Variants in WWOX observed in about 807,000 individuals in gnomAD.
WWOX encodes WW domain-containing oxidoreductase.
WWOX carries 69 observed loss-of-function variants against 46.2 expected under a neutral mutation model. That is an observed-to-expected ratio of 1.49 (90% CI 1.23 to 1.82). WWOX has a LOEUF of 1.82. Ranked by LOEUF, WWOX falls within the 40% of genes most tolerant of loss-of-function variation. The pLI, the probability that WWOX is intolerant of heterozygous loss-of-function variation, is 0.00. For synonymous variants in WWOX, 359 were observed against 202.6 expected (o/e 1.77, Z -6.56); for missense variants, 919 against 542.6 (o/e 1.69, Z -6.89).
intron 8 of WWOX, among the ~76,000 whole-genome samples, chr16:79,038,674 C>G (rs144668289): frequency 0.011 from 1,734 of 152,148 alleles, 36 homozygotes; most frequent in African/African-American, 0.039. Flanking sequence ...CTCAGGCTCC[C>G]AAGTAGCTGG....
chr16:78,306,418 C>G (rs2080135726), intron 5 of WWOX, among the ~76,000 whole-genome samples: 1 of 152,090 alleles, frequency 6.6e-6, no homozygotes. Context: ...TTTCAGAACC[C>G]TGCATCATGG....
chr16:78,825,891 A>C (rs553991065), intron 8 of WWOX: 47 of 690,056 alleles, frequency 6.8e-5, no homozygotes, highest in Admixed American at 5.0e-4. Flanking sequence ...CCTCTGCCTG[A>C]CCACGTGAGC....
intron 8 of WWOX, among the ~76,000 whole-genome samples, chr16:78,598,916 A>G (rs1464741043): frequency 6.6e-6 from 1 of 152,176 alleles, no homozygotes; most frequent in Non-Finnish European, 1.5e-5. Context: ...GCTCACTCAG[A>G]TTCCCGCCTC....
At chr16:78,563,017 T>C (rs2151560949) in intron 8 of WWOX, among the ~76,000 whole-genome samples, 1 of 152,164 alleles carries the variant, frequency 6.6e-6, no homozygotes, top group Non-Finnish European at 1.5e-5. Context: ...CCCCTATCTT[T>C]CTTTCTTTGC....
chr16:78,409,808 C>T (rs1487845402), intron 6 of WWOX, among the ~76,000 whole-genome samples: 2 of 152,142 alleles, frequency 1.3e-5, no homozygotes, highest in Non-Finnish European at 2.9e-5. Flanking sequence ...TCTTCAAAAC[C>T]AGCACTGTTG....
chr16:79,192,498 A>C (rs1480208338), intron 8 of WWOX, among the ~76,000 whole-genome samples: 3 of 152,182 alleles, frequency 2.0e-5, no homozygotes, highest in Non-Finnish European at 4.4e-5. Flanking sequence ...TAGTGCAAGA[A>C]ATAATTTAAC....
intron 5 of WWOX, among the ~76,000 whole-genome samples, chr16:78,216,644 G>A (rs2036731231): frequency 6.6e-6 from 1 of 151,718 alleles, no homozygotes; most frequent in South Asian, 2.1e-4. Flanking sequence ...ATTTTACCAG[G>A]ACTCTTCTCC....
chr16:78,655,988 A>G (rs968574510), intron 8 of WWOX, among the ~76,000 whole-genome samples: 4 of 152,138 alleles, frequency 2.6e-5, no homozygotes, highest in African/African-American at 7.2e-5. Context: ...AGGGGGAAAA[A>G]AAGAGAAACA....
At chr16:78,614,518 G>A (rs891989740) in intron 8 of WWOX, among the ~76,000 whole-genome samples, 3 of 152,198 alleles carry the variant, frequency 2.0e-5, no homozygotes, top group African/African-American at 7.2e-5. Flanking sequence ...GTCCTGCTGG[G>A]CTCACTTCTG....
At chr16:78,904,482 C>G (rs980283429) in intron 8 of WWOX, among the ~76,000 whole-genome samples, 1 of 151,946 alleles carries the variant, frequency 6.6e-6, no homozygotes, top group African/African-American at 2.4e-5. Flanking sequence ...TGTGATCTGC[C>G]TGCCCCAGCC....
intron 8 of WWOX, among the ~76,000 whole-genome samples, chr16:78,612,002 A>G (rs1165490015): frequency 1.3e-5 from 2 of 152,350 alleles, no homozygotes; most frequent in Admixed American, 6.5e-5. Flanking sequence ...AGAAGATTCA[A>G]TAGGCATTGG....
intron 7 of WWOX, among the ~76,000 whole-genome samples, chr16:78,431,691 CT>C (rs200599534): frequency 1.0e-4 from 15 of 143,598 alleles, no homozygotes; most frequent in African/African-American, 1.8e-4. Flanking sequence ...GTAGCCAATC[CT>C]TTTTTTTTTT....
chr16:78,990,066 C>G (rs1331489403), intron 8 of WWOX, among the ~76,000 whole-genome samples: 2 of 151,672 alleles, frequency 1.3e-5, no homozygotes, highest in Non-Finnish European at 2.9e-5. Context: ...CGCTTGTAGT[C>G]TCAGCTACTC....
At chr16:78,928,104 C>T (rs1467520718) in intron 8 of WWOX, among the ~76,000 whole-genome samples, 4 of 151,898 alleles carry the variant, frequency 2.6e-5, no homozygotes, top group Non-Finnish European at 4.4e-5. Context: ...GCCTTTTGTC[C>T]GTATGTATTT....
At chr16:78,704,140 T>G (rs187655992) in intron 8 of WWOX, among the ~76,000 whole-genome samples, 42 of 152,150 alleles carry the variant, frequency 2.8e-4, no homozygotes, top group Non-Finnish European at 4.9e-4. Flanking sequence ...TGTGATTTTT[T>G]TTTTTTTTAA....
chr16:78,272,934 C>T (rs543023794), intron 5 of WWOX, among the ~76,000 whole-genome samples: 1 of 152,262 alleles, frequency 6.6e-6, no homozygotes, highest in Admixed American at 6.5e-5. Context: ...TTTAGGAGTG[C>T]TTGTCATTAG....
chr16:79,140,291 G>C (rs763345576), intron 8 of WWOX, among the ~76,000 whole-genome samples: 1 of 152,180 alleles, frequency 6.6e-6, no homozygotes, highest in Non-Finnish European at 1.5e-5. Context: ...TGGTGTGGCC[G>C]ATTTCTTGGA....
At chr16:78,928,354 T>C (rs879913712) in intron 8 of WWOX, among the ~76,000 whole-genome samples, 119 of 151,430 alleles carry the variant, frequency 7.9e-4, no homozygotes, top group Non-Finnish European at 1.2e-3. Context: ...AGGCGCCCGC[T>C]ACCACGCCCG....
intron 8 of WWOX, among the ~76,000 whole-genome samples, chr16:79,202,122 C>T (rs1246676399): frequency 6.6e-6 from 1 of 152,118 alleles, no homozygotes; most frequent in South Asian, 2.1e-4. Context: ...TTGTCGATGG[C>T]CGCTTTCACA....
Sources: gnomAD v4.1 joint callset for allele counts (sites outside exome capture counted in the v4.1 genomes callset) on GRCh38, gnomAD v4.1.1 for gene constraint, MANE v1.5 for transcripts, NCBI Gene and HGNC (gene_info 2026-07-23, HGNC 2026-07-21) for gene names.